Variants in PDK1 observed in about 807,000 individuals in gnomAD.
PDK1 encodes the protein pyruvate dehydrogenase kinase 1.
In PDK1, 39 loss-of-function variants were observed where a neutral mutation model predicts 54.2. That is an observed-to-expected ratio of 0.72 (90% confidence interval 0.56 to 0.94). PDK1 has a LOEUF of 0.94. PDK1 is among the 40% of genes least tolerant of loss of function. PDK1 has a pLI of 0.00. For synonymous variants in PDK1, 221 were observed against 207.1 expected, an observed-to-expected ratio of 1.07 and a Z score of -0.58; for missense variants, 552 against 566.0, an observed-to-expected ratio of 0.98 and a Z score of 0.25.
chr2:172,556,347 G>C lies in PDK1; in HGVS notation c.196+1G>C. Reference sequence around the variant, plus strand: ...TCCATGAAGCAGTTCCTGGACTTCGGTGAGTGCGGCCCGGGACCTTGGGCC... The same window carrying C: ...TCCATGAAGCAGTTCCTGGACTTCGCTGAGTGCGGCCCGGGACCTTGGGCC... On this transcript the variant is annotated splice_donor_variant, in intron 1 of 10. Transcript: ENST00000282077. LOFTEE classifies it high-confidence loss of function. 2.8e-6 allele frequency: 4 copies of C among 1,446,258 alleles called. No individual in the cohort carries two copies. The highest frequency in any genetic ancestry group is 3.6e-6 in the Non-Finnish European group (4 of 1,101,148). 89.6% of individuals were successfully genotyped at this position (1,446,258 alleles called of 1,614,324 possible).
rs2149313025 is a variant in PDK1, at chr2:172,600,746, G to C, written c.*4777G>C. The stretch of plus-strand genomic sequence containing the variant: ...CCTCCTAGGGTCCGAGGACGCTTTA[G>C]TTGGGACCAGGTGTGCTATCTGTAC... On this transcript the variant is annotated 3_prime_UTR_variant, in exon 11 of 11. Coordinates refer to ENST00000282077, the MANE Select transcript of PDK1 (RefSeq NM_002610.5). 1 of 152,416 alleles carries C rather than the reference G, an allele frequency of 6.6e-6. No homozygotes were observed. The highest frequency in any genetic ancestry group is 2.1e-4 in the South Asian group (1 of 4,832). 9.4% of individuals were successfully genotyped at this position (152,416 alleles called of 1,614,324 possible).
the PDK1 span, among the ~76,000 whole-genome samples, chr2:172,688,097 T>C: frequency 2.6e-5 from 4 of 152,222 alleles, no homozygotes; most frequent in Non-Finnish European, 5.9e-5. Flanking sequence ...TCCAGACACA[T>C]ATATTTTTCC....
In PDK1 at chr2:172,604,099, GAC is replaced by G. The variant is rs894955430; in HGVS notation, c.*8132_*8133del. 2 of 152,134 alleles carry G rather than the reference GAC, an allele frequency of 1.3e-5. No individual in the cohort carries two copies. Among genetic ancestry groups the G allele is most frequent in the Non-Finnish European group, 2.9e-5 (2 of 68,030 alleles). The allele number at this position is 152,134 out of a possible 1,614,324, so 9.4% of individuals were successfully genotyped here. Reference sequence around the variant, plus strand: ...TATATCTTTTTTGGCGGGGGGTGAGGACAGAGTCTTGCTCTGAGATTACCCAG... The same window carrying G: ...TATATCTTTTTTGGCGGGGGGTGAGGAGAGTCTTGCTCTGAGATTACCCAG... On this transcript the variant is annotated 3_prime_UTR_variant, in exon 11 of 11. Transcript: ENST00000282077.
the PDK1 span, among the ~76,000 whole-genome samples, chr2:172,620,450 T>C: frequency 1.3e-5 from 2 of 152,080 alleles, no homozygotes; most frequent in East Asian, 3.9e-4. Context: ...ACTGAGGATA[T>C]GAAGCCTGGA....
At chr2:172,589,497 G>C (rs1381015869) in intron 9 of PDK1, among the ~76,000 whole-genome samples, 1 of 152,206 alleles carries the variant, frequency 6.6e-6, no homozygotes, top group East Asian at 1.9e-4. Context: ...AACCAGGGGA[G>C]TAAATACCCA....
the PDK1 span, among the ~76,000 whole-genome samples, chr2:172,694,418 C>T: frequency 6.6e-6 from 1 of 152,190 alleles, no homozygotes; most frequent in Admixed American, 6.5e-5. Flanking sequence ...TAGCATTCAA[C>T]ATCGTTTCAT....
chr2:172,622,830 GTAATATGA>G, the PDK1 span, among the ~76,000 whole-genome samples: 138 of 144,632 alleles, frequency 9.5e-4, 1 homozygote, highest in African/African-American at 3.3e-3. Flanking sequence ...TATATTATAT[GTAATATGA>G]TATATGTTTA....
At chr2:172,704,682 C>T in the PDK1 span, among the ~76,000 whole-genome samples, 10 of 152,250 alleles carry the variant, frequency 6.6e-5, no homozygotes, top group Admixed American at 2.6e-4. Flanking sequence ...TATTTTAGCA[C>T]GTACCCACCT....
At chr2:172,573,454 C>G (rs146540984) in intron 8 of PDK1, among the ~76,000 whole-genome samples, 1,919 of 151,358 alleles carry the variant, frequency 0.013, 46 homozygotes, top group African/African-American at 0.043. Flanking sequence ...TGAGTTGTAA[C>G]GGTTCTCTCT....
In PDK1 at chr2:172,565,952, G is replaced by T. The variant is rs577055116; in HGVS notation, c.691+879G>T. Among the ~76,000 whole-genome samples the T allele has an allele frequency of 5.9e-5, 9 of 152,290 alleles. No individual in the cohort carries two copies. In the East Asian group the frequency reaches 1.7e-3, roughly 29 times the overall value. On this transcript the variant is annotated intron_variant, in intron 5 of 10. Transcript: ENST00000282077. ...TTTTCTGTTACCACCAATACCAGCA[G>T]TACTGCTGTGAACATCCTTAAATAC... is the stretch of plus-strand genomic sequence containing the variant.
intron 10 of PDK1, among the ~76,000 whole-genome samples, chr2:172,594,268 G>T (rs1366453328): frequency 6.6e-6 from 1 of 151,992 alleles, no homozygotes; most frequent in African/African-American, 2.4e-5. Context: ...CAGGTGATCC[G>T]CTTGCCTTGG....
At chr2:172,662,092 C>G in the PDK1 span, among the ~76,000 whole-genome samples, 1 of 152,178 alleles carries the variant, frequency 6.6e-6, no homozygotes, top group African/African-American at 2.4e-5. Flanking sequence ...TTATTTGATT[C>G]AGTACAAGGA....
At chr2:172,666,291 G>A in the PDK1 span, among the ~76,000 whole-genome samples, 5 of 152,328 alleles carry the variant, frequency 3.3e-5, no homozygotes, top group South Asian at 8.3e-4. Flanking sequence ...GGAGTACAGA[G>A]AAGACATTCC....
intron 3 of PDK1, among the ~76,000 whole-genome samples, chr2:172,563,150 A>T (rs1056175953): frequency 1.3e-5 from 2 of 152,178 alleles, no homozygotes; most frequent in Non-Finnish European, 2.9e-5. Context: ...ATAGTTAGCA[A>T]ATGGTAGAAT....
the PDK1 span, among the ~76,000 whole-genome samples, chr2:172,663,146 G>C: frequency 2.0e-5 from 3 of 152,164 alleles, no homozygotes; most frequent in Non-Finnish European, 4.4e-5. Context: ...CAACAGGCTG[G>C]TTTCTTCCAG....
At chr2:172,562,480 A>G (rs899088781) in intron 3 of PDK1, among the ~76,000 whole-genome samples, 189 bp downstream of exon 3, 13 of 152,246 alleles carry the variant, frequency 8.5e-5, no homozygotes, top group Non-Finnish European at 1.8e-4. Flanking sequence ...CCTCTTTAAC[A>G]AAAGACAAAG....
At chr2:172,592,637 C>A (rs1690664173) in intron 9 of PDK1, among the ~76,000 whole-genome samples, 1 of 152,170 alleles carries the variant, frequency 6.6e-6, no homozygotes, top group Non-Finnish European at 1.5e-5. Context: ...ATTCCAGACA[C>A]AATACGACCG....
At chr2:172,563,748 C>A (rs1688781017) in intron 3 of PDK1, among the ~76,000 whole-genome samples, 1 of 151,972 alleles carries the variant, frequency 6.6e-6, no homozygotes, top group Non-Finnish European at 1.5e-5. Flanking sequence ...GCAGTAGAAT[C>A]ACTTGAACTC....
intron 9 of PDK1, among the ~76,000 whole-genome samples, chr2:172,591,011 G>A (rs1279751986): frequency 6.6e-6 from 1 of 152,168 alleles, no homozygotes; most frequent in Non-Finnish European, 1.5e-5. Flanking sequence ...CAAAGAAGGG[G>A]CCCTGCAGTT....
Sources: gnomAD v4.1 joint callset for allele counts (sites outside exome capture counted in the v4.1 genomes callset) on GRCh38, gnomAD v4.1.1 for gene constraint, MANE v1.5 for transcripts, NCBI Gene and HGNC (gene_info 2026-07-23, HGNC 2026-07-21) for gene names.